Variants in CTNND2 observed in about 807,000 individuals in gnomAD.
The protein encoded by CTNND2 is catenin delta 2.
A neutral mutation model predicts 144.4 loss-of-function variants in CTNND2; 22 were observed. The ratio of observed to expected loss-of-function variants is 0.15; its 90% CI spans 0.11 to 0.22. CTNND2 has a LOEUF of 0.22. Among genes scored for constraint, CTNND2 ranks in the 10% least tolerant of loss-of-function variants. CTNND2 has a pLI of 1.00. For missense variants in CTNND2, 1,353 were observed against 1,618.8 expected, an observed-to-expected ratio of 0.84 and a Z score of 2.82; for synonymous variants, 751 against 695.6, an observed-to-expected ratio of 1.08 and a Z score of -1.25.
intron 6 of CTNND2, among the ~76,000 whole-genome samples, chr5:11,385,593 A>G (rs1045219763): frequency 1.1e-4 from 16 of 152,174 alleles, no homozygotes; most frequent in Admixed American, 1.3e-4. Context: ...CCTGGTCGCA[A>G]TCACAATCTG....
At chr5:11,168,510 A>G in intron 11 of CTNND2, among the ~76,000 whole-genome samples, 1 of 152,206 alleles carries the variant, frequency 6.6e-6, no homozygotes, top group East Asian at 1.9e-4. Flanking sequence ...GGAATACAAA[A>G]TTAGGCTTGC....
At chr5:11,718,872 G>T (rs879325824) in intron 2 of CTNND2, among the ~76,000 whole-genome samples, 2 of 152,022 alleles carry the variant, frequency 1.3e-5, no homozygotes, top group African/African-American at 2.4e-5. Flanking sequence ...AGAAACTCCA[G>T]ATTCACCATT....
chr5:11,467,601 C>T (rs373443359), intron 3 of CTNND2, among the ~76,000 whole-genome samples: 11 of 152,166 alleles, frequency 7.2e-5, no homozygotes, highest in South Asian at 2.1e-4. Flanking sequence ...AAAATAAGTA[C>T]GTAGACTTAA....
chr5:11,753,625 A>G (rs983497920), intron 1 of CTNND2, among the ~76,000 whole-genome samples: 8 of 151,740 alleles, frequency 5.3e-5, no homozygotes, highest in African/African-American at 1.7e-4. Context: ...TATTGGCCCA[A>G]AGTTTTCTTT....
chr5:11,172,379 C>G (rs956491727), intron 11 of CTNND2, among the ~76,000 whole-genome samples: 1 of 152,194 alleles, frequency 6.6e-6, no homozygotes, highest in African/African-American at 2.4e-5. Context: ...ATACTTTAGC[C>G]TAATCATGAC....
chr5:11,356,143 T>G (rs1035877895), intron 8 of CTNND2, among the ~76,000 whole-genome samples: 24 of 152,086 alleles, frequency 1.6e-4, no homozygotes, highest in African/African-American at 5.8e-4. Flanking sequence ...ACAGATTTAC[T>G]ACAATCCCTA....
chr5:11,106,636 C>T (rs983946817), intron 14 of CTNND2, among the ~76,000 whole-genome samples: 2 of 152,176 alleles, frequency 1.3e-5, no homozygotes, highest in African/African-American at 4.8e-5. Flanking sequence ...GCAGACAATG[C>T]TACACGATTT....
chr5:11,138,702 G>A (rs1756398942), intron 12 of CTNND2, among the ~76,000 whole-genome samples: 1 of 152,204 alleles, frequency 6.6e-6, no homozygotes, highest in Non-Finnish European at 1.5e-5. Flanking sequence ...TCTATTTGTA[G>A]TTACTGATTA....
chr5:11,858,023 T>C (rs377570880), intron 1 of CTNND2, among the ~76,000 whole-genome samples: 3 of 152,164 alleles, frequency 2.0e-5, no homozygotes, highest in South Asian at 2.1e-4. Flanking sequence ...TGTTTGGAGG[T>C]TGGACTTACT....
At chr5:11,839,063 C>T (rs979719486) in intron 1 of CTNND2, among the ~76,000 whole-genome samples, 9 of 152,124 alleles carry the variant, frequency 5.9e-5, no homozygotes, top group Non-Finnish European at 1.3e-4. Context: ...AGGAATTTGT[C>T]ATCTGCACAA....
intron 1 of CTNND2, among the ~76,000 whole-genome samples, chr5:11,753,765 A>G (rs1788753645): frequency 1.3e-5 from 2 of 151,594 alleles, no homozygotes; most frequent in African/African-American, 4.8e-5. Context: ...CTTCTTATAC[A>G]CCTGATAGAA....
chr5:11,002,590 G>A (rs1397305119), intron 18 of CTNND2, among the ~76,000 whole-genome samples: 3 of 152,196 alleles, frequency 2.0e-5, no homozygotes, highest in African/African-American at 7.2e-5. Flanking sequence ...ATTATGGGGA[G>A]AGAAAACAGG....
intron 3 of CTNND2, among the ~76,000 whole-genome samples, chr5:11,450,193 C>T (rs1486103916): frequency 6.6e-6 from 1 of 152,128 alleles, no homozygotes; most frequent in Admixed American, 6.5e-5. Context: ...TGTAGTAAAT[C>T]CCACTGCTGA....
intron 13 of CTNND2, among the ~76,000 whole-genome samples, chr5:11,116,740 C>T (rs1022492929): frequency 3.3e-5 from 5 of 152,108 alleles, no homozygotes; most frequent in African/African-American, 1.2e-4. Context: ...TGTTAAAAAG[C>T]AAGTTTATAA....
At position 11,257,174 on chromosome 5, in the gene CTNND2, A is replaced by G. The variant is rs986553557; in HGVS notation, c.1629-20351T>C. 2.6e-5 allele frequency among the ~76,000 whole-genome samples: 4 copies of G among 152,192 alleles called. No homozygotes were observed. In the East Asian group the frequency reaches 7.7e-4, roughly 29 times the overall value. ...AATGGTGTAGCAGTAGGTTTTCTCC[A>G]CTGAATCTCAGTGATTTTTGGTCCA... On this transcript the variant is annotated intron_variant, in intron 9 of 21. Coordinates refer to ENST00000304623, the MANE Select transcript of CTNND2 (RefSeq NM_001332.4).
rs1413098375 is a variant in CTNND2, at chr5:11,693,425, G to GTTATT, written c.174+38706_174+38710dup. Among the ~76,000 whole-genome samples, 16 of 152,322 alleles carry GTTATT rather than the reference G, an allele frequency of 1.1e-4. No individual in the cohort carries two copies. In the South Asian group the frequency reaches 3.1e-3, roughly 30 times the overall value. On this transcript the variant is annotated intron_variant, in intron 2 of 21. Coordinates refer to ENST00000304623, the MANE Select transcript of CTNND2 (RefSeq NM_001332.4). ...AGATACTGCATTTCATTTTAGGGAA[G>GTTATT]TTATTTAAATTATTTGAATCACAGT...
chr5:11,513,910 C>A (rs1236695663), intron 3 of CTNND2, among the ~76,000 whole-genome samples: 1 of 152,128 alleles, frequency 6.6e-6, no homozygotes, highest in Non-Finnish European at 1.5e-5. Flanking sequence ...GCACTGAAGA[C>A]AAACATGCCT....
At chr5:11,745,302 C>T (rs1046758704) in intron 1 of CTNND2, among the ~76,000 whole-genome samples, 15 of 152,072 alleles carry the variant, frequency 9.9e-5, no homozygotes, top group South Asian at 6.2e-4. Flanking sequence ...TTTAGATGCG[C>T]CCTTCGTGGG....
chr5:11,653,584 G>A (rs1270502462), intron 2 of CTNND2, among the ~76,000 whole-genome samples: 1 of 151,956 alleles, frequency 6.6e-6, no homozygotes, highest in Non-Finnish European at 1.5e-5. Context: ...ATTGGGTTAT[G>A]TGTGTTTTTT....
Sources: allele counts gnomAD v4.1 joint callset (sites outside exome capture counted in the v4.1 genomes callset), GRCh38; gene constraint gnomAD v4.1.1; transcripts MANE v1.5; gene names NCBI Gene and HGNC (gene_info 2026-07-23, HGNC 2026-07-21).